NR6A1: variants seen among roughly 807,000 people sequenced by gnomAD.
NR6A1 encodes nuclear receptor subfamily 6 group A member 1, also known as retinoic acid receptor-related testis-associated receptor.
Under a neutral mutation model 59.1 loss-of-function variants are expected in NR6A1, and 7 were observed. The observed-to-expected ratio is 0.12, with a 90% CI of 0.07 to 0.22. The LOEUF is 0.22. Ranked by LOEUF, NR6A1 falls within the 10% of genes least tolerant of loss-of-function variation. The probability of loss-of-function intolerance (pLI) is 1.00; values close to 1 mark genes in which losing one functional copy is unlikely to be tolerated. For missense variants in NR6A1, 468 were observed against 611.6 expected (o/e 0.77, Z 2.48); for synonymous variants, 243 against 236.1 (o/e 1.03, Z -0.27).
intron 2 of NR6A1, among the ~76,000 whole-genome samples, chr9:124,560,531 G>C (rs1834055854): frequency 6.6e-6 from 1 of 151,996 alleles, no homozygotes; most frequent in Non-Finnish European, 1.5e-5. Flanking sequence ...TTAACCATTA[G>C]CATCCTGGAA....
intron 2 of NR6A1, among the ~76,000 whole-genome samples, chr9:124,693,374 A>G: frequency 6.6e-6 from 1 of 152,214 alleles, no homozygotes; most frequent in East Asian, 1.9e-4. Context: ...ATTTACCTCA[A>G]AAAAGCACTC....
At chr9:124,723,432 C>T (rs1235874827) in intron 2 of NR6A1, among the ~76,000 whole-genome samples, 6 of 152,184 alleles carry the variant, frequency 3.9e-5, no homozygotes, top group African/African-American at 1.4e-4. Context: ...GAAGTCCCGA[C>T]CAAAAGAGTC....
chr9:124,587,248 T>C (rs771502221), intron 2 of NR6A1, among the ~76,000 whole-genome samples: 6 of 152,230 alleles, frequency 3.9e-5, no homozygotes, highest in South Asian at 2.1e-4. Context: ...TAACAGACTA[T>C]AGTATAAACA....
intron 2 of NR6A1, among the ~76,000 whole-genome samples, chr9:124,566,715 C>T (rs1834251285): frequency 6.6e-6 from 1 of 152,134 alleles, no homozygotes; most frequent in Admixed American, 6.5e-5. Flanking sequence ...CAGAGAGGAA[C>T]TCAAGGTTCT....
chr9:124,541,855 C>T (rs1401577898), intron 4 of NR6A1, among the ~76,000 whole-genome samples: 1 of 152,090 alleles, frequency 6.6e-6, no homozygotes, highest in Non-Finnish European at 1.5e-5. Context: ...GAGGAAAGTC[C>T]TGTTATAAGC....
intron 1 of NR6A1, among the ~76,000 whole-genome samples, chr9:124,751,046 G>C (rs868248739): frequency 2.9e-5 from 3 of 104,144 alleles, no homozygotes; most frequent in African/African-American, 7.6e-5. Flanking sequence ...CCCACTTAGG[G>C]GGCCAAGTCA....
In NR6A1 at chr9:124,518,629, A is replaced by C. The variant is rs1314907560; in HGVS notation, c.*4076T>G. On this transcript the variant is annotated 3_prime_UTR_variant, in exon 10 of 10. Coordinates refer to ENST00000487099, the MANE Select transcript of NR6A1 (RefSeq NM_033334.4). The stretch of plus-strand genomic sequence containing the variant: ...TACTGGACATAGATGCTTCAAGCCA[A>C]GGAGAAAGGGAGGATGATCAGTTGC... 6.6e-6 allele frequency: 1 copy of C among 152,146 alleles called. No homozygotes were observed. Among genetic ancestry groups the C allele is most frequent in the African/African-American group, 2.4e-5 (1 of 41,410 alleles). 9.4% of individuals were successfully genotyped at this position (152,146 alleles called of 1,614,324 possible).
intron 2 of NR6A1, among the ~76,000 whole-genome samples, chr9:124,666,384 T>C (rs1428220687): frequency 6.7e-6 from 1 of 148,892 alleles, no homozygotes; most frequent in African/African-American, 2.5e-5. Context: ...AGACAAGCAA[T>C]TCTCCTGCCT....
intron 2 of NR6A1, among the ~76,000 whole-genome samples, chr9:124,630,209 A>ATT (rs1836384026): frequency 1.7e-5 from 2 of 114,882 alleles, no homozygotes; most frequent in African/African-American, 3.4e-5. Flanking sequence ...CCTCCAAATC[A>ATT]GTTTTTTTTT....
chr9:124,551,329 G>A lies in NR6A1; in HGVS notation c.385+2999C>T, dbSNP rs79115769. On this transcript the variant is annotated intron_variant, in intron 3 of 9. Coordinates refer to ENST00000487099, the MANE Select transcript of NR6A1 (RefSeq NM_033334.4). ...GTATTTTTAAATCTATCTGAAACAC[G>A]AATACATATTGATACACTGATTCCA... is the stretch of plus-strand genomic sequence containing the variant. 1.0e-2 allele frequency among the ~76,000 whole-genome samples: 1,517 copies of A among 152,212 alleles called. 64 individuals carry two copies. In the East Asian group the frequency reaches 0.15, roughly 15 times the overall value.
intron 2 of NR6A1, among the ~76,000 whole-genome samples, chr9:124,566,020 C>T (rs1405398092): frequency 6.6e-6 from 1 of 152,214 alleles, no homozygotes; most frequent in Non-Finnish European, 1.5e-5. Context: ...TTCACAACGG[C>T]ATGCTTTATA....
chr9:124,728,258 T>C (rs1363022406), intron 2 of NR6A1, among the ~76,000 whole-genome samples: 1 of 151,904 alleles, frequency 6.6e-6, no homozygotes, highest in Non-Finnish European at 1.5e-5. Flanking sequence ...CTGGATCTCC[T>C]GACCTCGTGA....
intron 2 of NR6A1, among the ~76,000 whole-genome samples, chr9:124,731,232 T>C (rs1482255067): frequency 6.6e-6 from 1 of 152,020 alleles, no homozygotes; most frequent in Non-Finnish European, 1.5e-5. Context: ...TAGCCAGCCA[T>C]GGTTGCGCAC....
intron 7 of NR6A1, among the ~76,000 whole-genome samples, chr9:124,533,486 C>A (rs1426190945): frequency 2.6e-5 from 4 of 152,170 alleles, no homozygotes; most frequent in Non-Finnish European, 4.4e-5. Flanking sequence ...ACTCCTCCCT[C>A]CCCTAGCTGT....
intron 2 of NR6A1, among the ~76,000 whole-genome samples, chr9:124,564,696 T>C (rs578072554): frequency 7.6e-4 from 115 of 152,178 alleles, no homozygotes; most frequent in African/African-American, 2.6e-3. Context: ...TGTGTGTGTG[T>C]GTGTGTGTGT....
chr9:124,620,070 AG>A (rs2130859001), intron 2 of NR6A1, among the ~76,000 whole-genome samples: 1 of 152,322 alleles, frequency 6.6e-6, no homozygotes, highest in African/African-American at 2.4e-5. Context: ...TCCAAAAAAA[AG>A]AAAATTCAAT....
At chr9:124,650,216 C>T (rs934956614) in intron 2 of NR6A1, among the ~76,000 whole-genome samples, 6 of 152,038 alleles carry the variant, frequency 3.9e-5, no homozygotes, top group East Asian at 1.9e-4. Flanking sequence ...ACCAAATGAG[C>T]GGATAAATAA....
At chr9:124,769,632 C>T (rs1389923149) in intron 1 of NR6A1, among the ~76,000 whole-genome samples, 1 of 152,196 alleles carries the variant, frequency 6.6e-6, no homozygotes, top group African/African-American at 2.4e-5. Context: ...AGACACTGTT[C>T]GGTCCTAGAT....
intron 2 of NR6A1, among the ~76,000 whole-genome samples, chr9:124,605,745 C>G (rs939677240): frequency 3.6e-4 from 55 of 152,116 alleles, no homozygotes; most frequent in Non-Finnish European, 7.5e-4. Flanking sequence ...ACAGGGTTAG[C>G]CCTTCGATGA....
Sources: allele counts gnomAD v4.1 joint callset (sites outside exome capture counted in the v4.1 genomes callset), GRCh38; gene constraint gnomAD v4.1.1; transcripts MANE v1.5; gene names NCBI Gene and HGNC (gene_info 2026-07-23, HGNC 2026-07-21).